The following PON3 variants were observed in gnomAD, a reference collection of about 807,000 sequenced individuals.
PON3 encodes paraoxonase 3.
PON3 carries 37 observed loss-of-function variants against 36.3 expected under a neutral mutation model. The ratio of observed to expected loss-of-function variants is 1.02; its 90% CI spans 0.78 to 1.34. PON3 has a LOEUF of 1.34. Among genes scored for constraint, PON3 ranks in the 40% most tolerant of loss-of-function variants. PON3 has a pLI of 0.00. For missense variants in PON3, 415 were observed against 426.5 expected, an observed-to-expected ratio of 0.97 and a Z score of 0.24; for synonymous variants, 155 against 154.8, an observed-to-expected ratio of 1.00 and a Z score of -0.01.
At position 95,362,348 on chromosome 7, in the gene PON3, GTA is replaced by G; in HGVS notation, c.906+12_906+13del. 1 of 1,613,508 alleles carries G rather than the reference GTA, an allele frequency of 6.2e-7. No homozygotes were observed. The highest frequency in any genetic ancestry group is 8.5e-7 in the Non-Finnish European group (1 of 1,179,570). ...CAGCTTTGCCTGTGAGCTCAGAGAG[GTA>G]TAGGAACTTACTTCTGATCCTGGAG... On this transcript the variant is annotated intron_variant, in intron 8 of 8. Coordinates refer to ENST00000265627, the MANE Select transcript of PON3 (RefSeq NM_000940.3).
At chr7:95,385,112 CA>C (rs1809158723) in intron 3 of PON3, among the ~76,000 whole-genome samples, 1 of 152,016 alleles carries the variant, frequency 6.6e-6, no homozygotes, top group Non-Finnish European at 1.5e-5. Flanking sequence ...GACAAAAAAC[CA>C]AACACTGCAT....
intron 8 of PON3, among the ~76,000 whole-genome samples, chr7:95,360,888 T>A (rs1808554895): frequency 6.6e-6 from 1 of 152,172 alleles, no homozygotes; most frequent in Non-Finnish European, 1.5e-5. Context: ...CATCTCAGGT[T>A]TGTTAGACAA....
chr7:95,374,402 T>G (rs1380533625), intron 3 of PON3, among the ~76,000 whole-genome samples: 1 of 152,188 alleles, frequency 6.6e-6, no homozygotes, highest in Admixed American at 6.5e-5. Flanking sequence ...TTCCCTGTTC[T>G]CTAGGGTCTG....
intron 2 of PON3, among the ~76,000 whole-genome samples, chr7:95,393,525 T>G (rs1351246824): frequency 6.6e-6 from 1 of 152,166 alleles, no homozygotes; most frequent in Non-Finnish European, 1.5e-5. Context: ...GTTAGCAATG[T>G]CAGGAAGAAT....
chr7:95,381,974 T>G (rs572530634), intron 3 of PON3, among the ~76,000 whole-genome samples: 1 of 152,152 alleles, frequency 6.6e-6, no homozygotes, highest in East Asian at 1.9e-4. Flanking sequence ...TCAGCAAATG[T>G]AAAAGAACAG....
intron 1 of PON3, among the ~76,000 whole-genome samples, chr7:95,395,284 T>C (rs1416369661): frequency 6.6e-6 from 1 of 152,232 alleles, no homozygotes; most frequent in Non-Finnish European, 1.5e-5. Context: ...ACAATTTTCT[T>C]GTTTCCAGAG....
At chr7:95,392,512 C>T (rs17879725) in intron 2 of PON3, among the ~76,000 whole-genome samples, 1 of 152,162 alleles carries the variant, frequency 6.6e-6, no homozygotes, top group African/African-American at 2.4e-5. Context: ...AATACTACTA[C>T]ACCACAAAAC....
chr7:95,387,435 G>A (rs892622384), intron 3 of PON3, among the ~76,000 whole-genome samples: 6 of 152,082 alleles, frequency 3.9e-5, no homozygotes, highest in African/African-American at 1.4e-4. Context: ...GGATGTGAAC[G>A]ACCTCTTCAA....
chr7:95,378,069 A>G (rs1808960638), intron 3 of PON3, among the ~76,000 whole-genome samples: 1 of 152,170 alleles, frequency 6.6e-6, no homozygotes, highest in Admixed American at 6.5e-5. Context: ...TTAAATGACC[A>G]GATGGAGCTG....
intron 3 of PON3, among the ~76,000 whole-genome samples, chr7:95,386,434 A>T (rs1286851292): frequency 6.6e-6 from 1 of 152,236 alleles, no homozygotes; most frequent in Admixed American, 6.5e-5. Flanking sequence ...TAAACCAGGA[A>T]AAAGTTGAAT....
At chr7:95,384,948 C>G (rs552198136) in intron 3 of PON3, among the ~76,000 whole-genome samples, 1 of 152,254 alleles carries the variant, frequency 6.6e-6, no homozygotes, top group Non-Finnish European at 1.5e-5. Flanking sequence ...GACTTGGAAC[C>G]AACCCAAATG....
chr7:95,360,012 T>G lies in PON3; in HGVS notation c.1026A>C (p.Ile342=), dbSNP rs772681139. 6.2e-7 allele frequency: 1 copy of G among 1,613,300 alleles called. No individual in the cohort carries two copies. Among genetic ancestry groups the G allele is most frequent in the Non-Finnish European group, 8.5e-7 (1 of 1,179,704 alleles). Residue 342 remains isoleucine, a synonymous_variant, in exon 9 of 9, where the codon ATA becomes ATC. Transcript: ENST00000265627. ...VASVYHGKIL[I]GTVFHKTLYC... ...ACAGAGTTTTGTGAAATACGGTGCC[T>G]ATGAGAATTTTCCCATGGTACACAG...
intron 3 of PON3, among the ~76,000 whole-genome samples, chr7:95,386,831 A>T (rs1809202149): frequency 6.6e-6 from 1 of 152,210 alleles, no homozygotes; most frequent in African/African-American, 2.4e-5. Flanking sequence ...CTGGTTCAAC[A>T]TACACAAATC....
At chr7:95,362,529 T>A (rs757751499) in intron 7 of PON3, 39 bp from the exon 8 acceptor site, 2 of 1,612,596 alleles carry the variant, frequency 1.2e-6, no homozygotes, top group South Asian at 1.1e-5. Context: ...ATTGTCTCAA[T>A]GATTCCTCGC....
At chr7:95,373,856 T>G (rs17879692) in intron 3 of PON3, among the ~76,000 whole-genome samples, 4,240 of 152,248 alleles carry the variant, frequency 0.028, 113 homozygotes, top group African/African-American at 0.068. Flanking sequence ...GACTGGTACC[T>G]GTCCGTAGCC....
chr7:95,385,277 C>T (rs1339831373), intron 3 of PON3, among the ~76,000 whole-genome samples: 1 of 152,076 alleles, frequency 6.6e-6, no homozygotes, highest in Admixed American at 6.6e-5. Context: ...TGGTGCAGCA[C>T]ACCAACATGG....
intron 5 of PON3, 120 bp downstream of exon 5, chr7:95,367,242 T>C: frequency 7.7e-7 from 1 of 1,294,450 alleles, no homozygotes; most frequent in Non-Finnish European, 1.1e-6. Flanking sequence ...TAGAAAGCTT[T>C]AGAAAAAAAT....
chr7:95,394,538 G>A, intron 2 of PON3, 106 bp downstream of exon 2: 2 of 953,076 alleles, frequency 2.1e-6, no homozygotes, highest in South Asian at 2.7e-5. Flanking sequence ...GTCCCACTGG[G>A]AGGGCTTAAG....
At chr7:95,372,398 G>A in intron 3 of PON3, 60 bp from the exon 4 acceptor site, 1 of 1,557,066 alleles carries the variant, frequency 6.4e-7, no homozygotes, top group Non-Finnish European at 8.8e-7. Flanking sequence ...ATTTTCATAA[G>A]GAATTTAAAA....
Sources: allele counts gnomAD v4.1 joint callset (sites outside exome capture counted in the v4.1 genomes callset), GRCh38; gene constraint gnomAD v4.1.1; transcripts MANE v1.5; gene names NCBI Gene and HGNC (gene_info 2026-07-23, HGNC 2026-07-21).